Variants in C8orf34 observed in about 807,000 individuals in gnomAD.
The protein encoded by C8orf34 is uncharacterized protein C8orf34.
C8orf34 carries 65 observed loss-of-function variants against 68.3 expected under a neutral mutation model. The observed-to-expected ratio is 0.95, with a 90% CI of 0.78 to 1.17. The LOEUF is 1.17. Ranked by LOEUF, C8orf34 falls within the 50% of genes most tolerant of loss-of-function variation. C8orf34 has a pLI of 0.00. For missense variants in C8orf34, 664 were observed against 655.4 expected (o/e 1.01, Z -0.14); for synonymous variants, 244 against 241.2 (o/e 1.01, Z -0.11).
At chr8:68,535,920 G>C in intron 7 of C8orf34, 5 of 947,898 alleles carry the variant, frequency 5.3e-6, no homozygotes, top group Non-Finnish European at 6.3e-6. Flanking sequence ...GTCATCTCAT[G>C]CTCAAATATA....
intron 1 of C8orf34, among the ~76,000 whole-genome samples, chr8:68,430,015 G>A (rs1188009784): frequency 6.6e-6 from 1 of 152,024 alleles, no homozygotes; most frequent in East Asian, 1.9e-4. Flanking sequence ...AGCCTCAGGT[G>A]GAGGGCTGCT....
chr8:68,492,832 CAG>C (rs1181208297), intron 5 of C8orf34, among the ~76,000 whole-genome samples: 1 of 151,652 alleles, frequency 6.6e-6, no homozygotes, highest in Non-Finnish European at 1.5e-5. Context: ...TCACAAATGA[CAG>C]AGTTTTTGTT....
At chr8:68,623,950 C>T (rs1414133820) in intron 7 of C8orf34, among the ~76,000 whole-genome samples, 2 of 152,068 alleles carry the variant, frequency 1.3e-5, no homozygotes, top group Non-Finnish European at 2.9e-5. Context: ...ACACAGTAGA[C>T]ACTCAACAAA....
At chr8:68,798,638 A>G (rs1824246721) in intron 12 of C8orf34, among the ~76,000 whole-genome samples, 1 of 152,196 alleles carries the variant, frequency 6.6e-6, no homozygotes, top group African/African-American at 2.4e-5. Context: ...AAAGCAAAAC[A>G]TTCCAATGCC....
At chr8:68,601,013 T>C (rs1240058820) in intron 7 of C8orf34, among the ~76,000 whole-genome samples, 2 of 152,258 alleles carry the variant, frequency 1.3e-5, no homozygotes, top group Non-Finnish European at 2.9e-5. Context: ...AAAACATGCA[T>C]TTTTTGCCTT....
At chr8:68,710,009 A>C (rs554336397) in intron 9 of C8orf34, among the ~76,000 whole-genome samples, 24 of 152,320 alleles carry the variant, frequency 1.6e-4, no homozygotes, top group Admixed American at 1.4e-3. Context: ...CAGGAAAAAA[A>C]CATCTCCAGC....
chr8:68,535,092 C>T (rs1438001393), intron 7 of C8orf34: 5 of 984,752 alleles, frequency 5.1e-6, no homozygotes, highest in Non-Finnish European at 4.8e-6. Flanking sequence ...TGTTACAAGT[C>T]CACTGGACTT....
chr8:68,439,980 T>G (rs1355451898), intron 2 of C8orf34, among the ~76,000 whole-genome samples: 2 of 152,338 alleles, frequency 1.3e-5, no homozygotes, highest in Non-Finnish European at 1.5e-5. Context: ...GCTTATAGCT[T>G]ATCTATATAG....
intron 10 of C8orf34, among the ~76,000 whole-genome samples, chr8:68,734,822 A>G (rs556012470): frequency 6.6e-6 from 1 of 152,296 alleles, no homozygotes; most frequent in South Asian, 2.1e-4. Flanking sequence ...AGTGGGATAC[A>G]TGCCACTCTG....
chr8:68,338,469 C>T (rs968676132), intron 1 of C8orf34, among the ~76,000 whole-genome samples: 5 of 152,152 alleles, frequency 3.3e-5, no homozygotes, highest in African/African-American at 9.7e-5. Flanking sequence ...CTTCTCCTTA[C>T]TCCTTCTGCA....
chr8:68,505,160 A>G (rs535591024), intron 5 of C8orf34, among the ~76,000 whole-genome samples: 1 of 152,210 alleles, frequency 6.6e-6, no homozygotes, highest in East Asian at 1.9e-4. Flanking sequence ...GCAAGTATGG[A>G]GGGTTCCAAT....
chr8:68,691,776 C>G (rs1384008280), intron 8 of C8orf34, among the ~76,000 whole-genome samples: 1 of 152,002 alleles, frequency 6.6e-6, no homozygotes, highest in African/African-American at 2.4e-5. Context: ...GGTGAGTCCT[C>G]CTTTTCTTTT....
intron 3 of C8orf34, among the ~76,000 whole-genome samples, chr8:68,464,951 G>C (rs906776001): frequency 1.3e-5 from 2 of 151,322 alleles, no homozygotes; most frequent in African/African-American, 4.9e-5. Context: ...TTGACAAATG[G>C]GATCTAATTA....
In C8orf34 at chr8:68,385,438, C is replaced by T. The variant is rs183399133; in HGVS notation, c.328-54061C>T. 1.4e-3 allele frequency among the ~76,000 whole-genome samples: 213 copies of T among 152,234 alleles called. 2 individuals are homozygous for T. The highest frequency in any genetic ancestry group is 4.8e-3 in the African/African-American group (198 of 41,524). On this transcript the variant is annotated intron_variant, in intron 1 of 13. Transcript: ENST00000518698. ...TTCAACATAGAAAACTAGGTATATT[C>T]TGGAATCAACAGAAGATAAGATTAA... is the stretch of plus-strand genomic sequence containing the variant.
At chr8:68,364,800 T>A (rs1421831373) in intron 1 of C8orf34, among the ~76,000 whole-genome samples, 2 of 148,286 alleles carry the variant, frequency 1.3e-5, no homozygotes, top group South Asian at 4.4e-4. Context: ...GCAGGAAAGA[T>A]CCAAAATTGA....
chr8:68,439,451 T>A (rs751718139), intron 1 of C8orf34, 48 bp from the exon 2 acceptor site: 1 of 1,581,512 alleles, frequency 6.3e-7, no homozygotes, highest in East Asian at 2.3e-5. Flanking sequence ...TTGCTATTAC[T>A]GTTGCTGTTA....
chr8:68,795,773 GC>G (rs1824162194), intron 12 of C8orf34, among the ~76,000 whole-genome samples: 1 of 152,152 alleles, frequency 6.6e-6, no homozygotes, highest in Non-Finnish European at 1.5e-5. Context: ...CATCTCTGTG[GC>G]CTTCCATGGA....
intron 7 of C8orf34, among the ~76,000 whole-genome samples, chr8:68,552,497 G>A (rs1000176154): frequency 6.6e-6 from 1 of 152,076 alleles, no homozygotes; most frequent in Admixed American, 6.6e-5. Flanking sequence ...TTCATTGACA[G>A]TGTGTAGAAC....
At chr8:68,670,831 T>C (rs1259659933) in intron 8 of C8orf34, among the ~76,000 whole-genome samples, 1 of 152,172 alleles carries the variant, frequency 6.6e-6, no homozygotes, top group Admixed American at 6.6e-5. Context: ...CTTCAATGAG[T>C]AGAAAGGAAG....
Sources: allele counts gnomAD v4.1 joint callset (sites outside exome capture counted in the v4.1 genomes callset), GRCh38; gene constraint gnomAD v4.1.1; transcripts MANE v1.5; gene names NCBI Gene and HGNC (gene_info 2026-07-23, HGNC 2026-07-21).